Variants in PPP2R2B observed in about 807,000 individuals in gnomAD.
PPP2R2B encodes the protein protein phosphatase 2 regulatory subunit Bbeta, also known as serine/threonine-protein phosphatase 2A 55 kDa regulatory subunit B beta isoform.
A neutral mutation model predicts 46.0 loss-of-function variants in PPP2R2B; 5 were observed. That is an observed-to-expected ratio of 0.11 (90% CI 0.06 to 0.23). The LOEUF (loss-of-function observed/expected upper bound fraction) is 0.23. Among genes scored for constraint, PPP2R2B ranks in the 10% least tolerant of loss-of-function variants. PPP2R2B has a pLI of 1.00. For synonymous variants in PPP2R2B, 215 were observed against 206.7 expected (o/e 1.04, Z -0.34); for missense variants, 367 against 575.0 (o/e 0.64, Z 3.70).
At chr5:147,057,657 G>A (rs577201018), upstream of PPP2R2B, among the ~76,000 whole-genome samples, 100 of 152,278 alleles carry the variant, frequency 6.6e-4, no homozygotes, top group African/African-American at 2.4e-3. Flanking sequence ...CACATTGCAG[G>A]CACGTGATAA....
intron 1 of PPP2R2B, among the ~76,000 whole-genome samples, chr5:146,987,598 C>T (rs539210160): frequency 4.6e-5 from 7 of 151,806 alleles, no homozygotes; most frequent in African/African-American, 1.7e-4. Context: ...TTTTAAGCCT[C>T]ATGGTGACTA....
chr5:146,933,832 T>A (rs1451434484), intron 1 of PPP2R2B, among the ~76,000 whole-genome samples: 2 of 72,680 alleles, frequency 2.8e-5, no homozygotes, highest in African/African-American at 1.1e-4. Flanking sequence ...TCCCTCCCCC[T>A]CCCCCCACCC....
intron 1 of PPP2R2B, among the ~76,000 whole-genome samples, chr5:146,895,566 T>C (rs1039524651): frequency 1.3e-5 from 2 of 152,194 alleles, no homozygotes; most frequent in African/African-American, 4.8e-5. Context: ...TTCATCACCG[T>C]GTACATGCAT....
At chr5:146,820,379 A>C (rs780782242) in intron 2 of PPP2R2B, among the ~76,000 whole-genome samples, 1 of 152,318 alleles carries the variant, frequency 6.6e-6, no homozygotes, top group East Asian at 1.9e-4. Context: ...AACAAAAACC[A>C]TGCTAGGTAA....
At chr5:146,705,650 T>C (rs1204687593) in intron 2 of PPP2R2B, among the ~76,000 whole-genome samples, 1 of 152,154 alleles carries the variant, frequency 6.6e-6, no homozygotes, top group Non-Finnish European at 1.5e-5. Flanking sequence ...TCAGCATCCA[T>C]TTTCTCTGAT....
At chr5:146,818,903 C>G (rs1269098400) in intron 2 of PPP2R2B, among the ~76,000 whole-genome samples, 1 of 152,222 alleles carries the variant, frequency 6.6e-6, no homozygotes, top group Non-Finnish European at 1.5e-5. Context: ...AGAATTGGCA[C>G]AAGGCCTGCA....
chr5:146,628,797 T>C (rs1774231299), intron 7 of PPP2R2B, among the ~76,000 whole-genome samples: 1 of 152,216 alleles, frequency 6.6e-6, no homozygotes. Flanking sequence ...AAGACTTCCA[T>C]AAGCCCACAT....
rs1769992937 is a variant in PPP2R2B at position 146,583,410 on chromosome 5, G to A, written c.*6537C>T. The A allele has an allele frequency of 6.6e-6, 1 of 152,192 alleles. No individual in the cohort carries two copies. The highest frequency in any genetic ancestry group is 1.5e-5 in the Non-Finnish European group (1 of 68,024). 9.4% of individuals were successfully genotyped at this position (152,192 alleles called of 1,614,324 possible). ...TTCACAGCAATTTTATGAGATAGATGTCGTTTTTATCCTTATCTCATAATG... is the reference window on the plus strand; with the variant it reads ...TTCACAGCAATTTTATGAGATAGATATCGTTTTTATCCTTATCTCATAATG... On this transcript the variant is annotated 3_prime_UTR_variant, in exon 10 of 10. Coordinates refer to ENST00000394411, the MANE Select transcript of PPP2R2B (RefSeq NM_181675.4).
intron 6 of PPP2R2B, among the ~76,000 whole-genome samples, chr5:146,649,487 C>T (rs1775806994): frequency 6.6e-6 from 1 of 151,918 alleles, no homozygotes; most frequent in African/African-American, 2.4e-5. Flanking sequence ...CTCTGTCACC[C>T]AGACTGGAGT....
intron 2 of PPP2R2B, among the ~76,000 whole-genome samples, chr5:146,737,955 AC>A (rs1007331134): frequency 2.7e-4 from 40 of 148,498 alleles, no homozygotes; most frequent in African/African-American, 9.7e-4. Flanking sequence ...ACAAAACAAA[AC>A]AAAAAAAACG....
chr5:147,054,500 G>A (rs999712981), intron 1 of PPP2R2B: 3 of 398,022 alleles, frequency 7.5e-6, no homozygotes, highest in African/African-American at 6.3e-5. Flanking sequence ...AAAAGTCCAT[G>A]AGATATCAAT....
chr5:146,953,850 A>G (rs1159221887), intron 1 of PPP2R2B, among the ~76,000 whole-genome samples: 1 of 152,216 alleles, frequency 6.6e-6, no homozygotes, highest in African/African-American at 2.4e-5. Context: ...ATACATCTAA[A>G]CACAAATGTG....
At chr5:146,814,460 A>G (rs1757812942) in intron 2 of PPP2R2B, among the ~76,000 whole-genome samples, 2 of 152,170 alleles carry the variant, frequency 1.3e-5, no homozygotes. Flanking sequence ...CTGTCTCTCT[A>G]AAATAATAAT....
intron 4 of PPP2R2B, among the ~76,000 whole-genome samples, chr5:146,691,480 T>C (rs1212721244): frequency 6.6e-6 from 1 of 152,190 alleles, no homozygotes; most frequent in Non-Finnish European, 1.5e-5. Context: ...GGCTCTTAAA[T>C]CTATAGCTTA....
chr5:146,961,312 G>T (rs1343697585), intron 1 of PPP2R2B, among the ~76,000 whole-genome samples: 1 of 152,112 alleles, frequency 6.6e-6, no homozygotes, highest in East Asian at 1.9e-4. Flanking sequence ...TATTTACTTA[G>T]AATAAAATTC....
At chr5:146,922,656 C>T (rs1408973713) in intron 1 of PPP2R2B, 1 of 152,192 alleles carries the variant, frequency 6.6e-6, no homozygotes, top group Non-Finnish European at 1.5e-5. Flanking sequence ...CTCCCACTAT[C>T]CTGGTAACAG....
At chr5:146,971,770 TGGTACCTATA>T (rs1275757970) in intron 1 of PPP2R2B, among the ~76,000 whole-genome samples, 1 of 152,210 alleles carries the variant, frequency 6.6e-6, no homozygotes, top group African/African-American at 2.4e-5. Flanking sequence ...TTTATGTTTG[TGGTACCTATA>T]GGTAAAAATT....
chr5:146,853,613 G>A (rs763816337), intron 2 of PPP2R2B, among the ~76,000 whole-genome samples: 1 of 151,940 alleles, frequency 6.6e-6, no homozygotes, highest in Non-Finnish European at 1.5e-5. Flanking sequence ...GCATGTAAAG[G>A]GCTTAGTACA....
chr5:146,601,099 G>A, intron 7 of PPP2R2B, among the ~76,000 whole-genome samples: 1 of 152,186 alleles, frequency 6.6e-6, no homozygotes, highest in Non-Finnish European at 1.5e-5. Flanking sequence ...GTTCATCCAT[G>A]TCGTAGCATG....
Sources: gnomAD v4.1 joint callset for allele counts (sites outside exome capture counted in the v4.1 genomes callset) on GRCh38, gnomAD v4.1.1 for gene constraint, MANE v1.5 for transcripts, NCBI Gene and HGNC (gene_info 2026-07-23, HGNC 2026-07-21) for gene names.